TMC1: variants seen among roughly 807,000 people sequenced by gnomAD.
The protein encoded by TMC1 is transmembrane channel like 1, also known as transmembrane channel-like protein 1.
TMC1 carries 84 observed loss-of-function variants against 105.8 expected under a neutral mutation model. The ratio of observed to expected loss-of-function variants is 0.79; its 90% CI spans 0.67 to 0.95. The LOEUF (loss-of-function observed/expected upper bound fraction) is 0.95. TMC1 is among the 40% of genes least tolerant of loss of function. The probability of loss-of-function intolerance (pLI) is 0.00; values close to 1 mark genes in which losing one functional copy is unlikely to be tolerated. For synonymous variants in TMC1, 315 were observed against 311.5 expected (o/e 1.01, Z -0.12); for missense variants, 817 against 914.1 (o/e 0.89, Z 1.37).
chr9:72,825,559 T>C (rs1165523674), intron 20 of TMC1, among the ~76,000 whole-genome samples: 2 of 152,170 alleles, frequency 1.3e-5, no homozygotes, highest in Middle Eastern at 3.2e-3. Flanking sequence ...GGCCTTTGTG[T>C]GTAGGGATAA....
chr9:72,679,579 C>T (rs772922205), intron 5 of TMC1, among the ~76,000 whole-genome samples: 2 of 152,032 alleles, frequency 1.3e-5, no homozygotes, highest in African/African-American at 2.4e-5. Flanking sequence ...TATCCAGGCA[C>T]TACTGGCAGA....
At chr9:72,523,727 C>A (rs141828943) in intron 1 of TMC1, among the ~76,000 whole-genome samples, 7 of 151,814 alleles carry the variant, frequency 4.6e-5, no homozygotes, top group Admixed American at 3.9e-4. Flanking sequence ...CAGGCACACT[C>A]GGGGTAGCTT....
intron 1 of TMC1, among the ~76,000 whole-genome samples, chr9:72,559,778 A>G (rs1490492750): frequency 6.6e-6 from 1 of 152,242 alleles, no homozygotes; most frequent in East Asian, 1.9e-4. Context: ...TGATCGTGCC[A>G]TCTGAATAGA....
chr9:72,732,396 C>T (rs1192186751), intron 8 of TMC1, among the ~76,000 whole-genome samples: 1 of 151,984 alleles, frequency 6.6e-6, no homozygotes, highest in East Asian at 1.9e-4. Context: ...AACCCTGTTT[C>T]TACTAAAAAT....
intron 7 of TMC1, among the ~76,000 whole-genome samples, chr9:72,698,166 A>G (rs932591462): frequency 3.9e-5 from 6 of 152,134 alleles, no homozygotes; most frequent in African/African-American, 1.4e-4. Flanking sequence ...AAACAACCCA[A>G]TGGCTATCAG....
chr9:72,565,140 C>A (rs1302693991), intron 1 of TMC1, among the ~76,000 whole-genome samples: 1 of 152,134 alleles, frequency 6.6e-6, no homozygotes, highest in Non-Finnish European at 1.5e-5. Context: ...TAACCAGAGA[C>A]CTTTGCATAA....
intron 4 of TMC1, chr9:72,628,489 G>A (rs566393130): frequency 3.7e-5 from 6 of 163,290 alleles, no homozygotes; most frequent in South Asian, 3.3e-4. Flanking sequence ...GTGTGTGTAC[G>A]TGTGCACTTG....
chr9:72,789,898 T>C (rs1828237556), intron 15 of TMC1, among the ~76,000 whole-genome samples: 1 of 152,218 alleles, frequency 6.6e-6, no homozygotes, highest in Non-Finnish European at 1.5e-5. Flanking sequence ...CATTTCCTCC[T>C]GTCCTGTACC....
At chr9:72,647,595 G>C (rs967740036) in intron 4 of TMC1, among the ~76,000 whole-genome samples, 3 of 152,110 alleles carry the variant, frequency 2.0e-5, no homozygotes, top group Non-Finnish European at 4.4e-5. Flanking sequence ...CCAGTATCTA[G>C]AATAGGGAAA....
chr9:72,833,572 CT>C (rs1829075904), intron 23 of TMC1, among the ~76,000 whole-genome samples: 1 of 152,140 alleles, frequency 6.6e-6, no homozygotes, highest in South Asian at 2.1e-4. Flanking sequence ...AACTTCCTCT[CT>C]TTTGGTCTGC....
At chr9:72,740,267 T>G (rs2118015503) in intron 9 of TMC1, 58 bp downstream of exon 9, 1 of 1,481,506 alleles carries the variant, frequency 6.7e-7, no homozygotes, top group Non-Finnish European at 9.4e-7. Context: ...AGAACACTGG[T>G]TCTTTTCTAA....
At chr9:72,630,375 G>T (rs1373459557) in intron 4 of TMC1, among the ~76,000 whole-genome samples, 1 of 152,112 alleles carries the variant, frequency 6.6e-6, no homozygotes, top group African/African-American at 2.4e-5. Context: ...TTGCTGATTG[G>T]TCTATAAAGT....
intron 13 of TMC1, among the ~76,000 whole-genome samples, chr9:72,780,056 C>G (rs1476191684): frequency 1.3e-5 from 2 of 152,166 alleles, no homozygotes; most frequent in African/African-American, 2.4e-5. Flanking sequence ...ACACTAATGG[C>G]AGACCTTTCA....
intron 4 of TMC1, among the ~76,000 whole-genome samples, chr9:72,634,524 G>A (rs1368227626): frequency 6.6e-6 from 1 of 152,182 alleles, no homozygotes; most frequent in Non-Finnish European, 1.5e-5. Context: ...ACCAAGGAGG[G>A]CATTAGTTTC....
intron 3 of TMC1, among the ~76,000 whole-genome samples, chr9:72,624,565 G>A (rs1825312998): frequency 6.6e-6 from 1 of 152,144 alleles, no homozygotes; most frequent in African/African-American, 2.4e-5. Flanking sequence ...TTCCCCACTG[G>A]GAGGATTTCC....
Position 72,612,287 on chromosome 9 carries a change from C to T in TMC1, c.-305-4081C>T, listed in dbSNP as rs144740916. Among the ~76,000 whole-genome samples, 394 of 152,280 alleles carry T rather than the reference C, an allele frequency of 2.6e-3. 6 individuals carry two copies. Among genetic ancestry groups the T allele is most frequent in the African/African-American group, 8.9e-3 (369 of 41,554 alleles). Reference sequence around the variant, plus strand: ...CCTGGCTTAGGTGATCCTTCCACCTCAGCCTCTTGAGTAGCTGGGACTACA... The same window carrying T: ...CCTGGCTTAGGTGATCCTTCCACCTTAGCCTCTTGAGTAGCTGGGACTACA... On this transcript the variant is annotated intron_variant, in intron 2 of 23. Transcript: ENST00000297784.
rs917323119 is a variant in TMC1, at chr9:72,805,476, A to G, written c.1661A>G (p.Asn554Ser). ...AGGGCATGTTTTGTGAGGTTTTGCA[A>G]TTATTGCTGGTGCTGGGACTTGGAG... is the stretch of plus-strand genomic sequence containing the variant. Reference protein sequence around the residue: ...FLRACFVRFCNYCWCWDLEYG... With the variant: ...FLRACFVRFCSYCWCWDLEYG... The change falls in exon 18 of 24, where the codon AAT (asparagine) becomes AGT (serine). Residue 554 changes from asparagine to serine, a missense_variant. Physicochemically the swap from Asn to Ser is conservative, Grantham distance 46. Coordinates refer to ENST00000297784, the MANE Select transcript of TMC1 (RefSeq NM_138691.3). 3 of 1,612,484 alleles carry G rather than the reference A, an allele frequency of 1.9e-6. No homozygotes were observed. The highest frequency in any genetic ancestry group is 2.7e-5 in the African/African-American group (2 of 74,494).
intron 8 of TMC1, among the ~76,000 whole-genome samples, chr9:72,729,268 T>A (rs1588053403): frequency 6.6e-6 from 1 of 152,262 alleles, no homozygotes; most frequent in East Asian, 1.9e-4. Context: ...AATAAAAATT[T>A]TAGAGGTCTT....
intron 1 of TMC1, among the ~76,000 whole-genome samples, chr9:72,569,262 G>A (rs1469439561): frequency 2.0e-5 from 3 of 151,424 alleles, no homozygotes; most frequent in African/African-American, 7.3e-5. Flanking sequence ...AATAATGAGA[G>A]GAAAAAAAGT....
Sources: allele counts gnomAD v4.1 joint callset (sites outside exome capture counted in the v4.1 genomes callset), GRCh38; gene constraint gnomAD v4.1.1; transcripts MANE v1.5; gene names NCBI Gene and HGNC (gene_info 2026-07-23, HGNC 2026-07-21).